Variants in RBFOX1 observed in about 807,000 individuals in gnomAD.
The protein encoded by RBFOX1 is RNA binding fox-1 homolog 1.
In RBFOX1, 8 loss-of-function variants were observed where a neutral mutation model predicts 57.7. The observed-to-expected ratio is 0.14, with a 90% CI of 0.08 to 0.25. RBFOX1 has a LOEUF of 0.25. RBFOX1 is among the 10% of genes least tolerant of loss of function. RBFOX1 has a pLI of 1.00. For missense variants in RBFOX1, 611 were observed against 548.5 expected (o/e 1.11, Z -1.14); for synonymous variants, 326 against 222.4 (o/e 1.47, Z -4.15).
chr16:5,875,956 G>T (rs373030683), intron 4 of RBFOX1, among the ~76,000 whole-genome samples: 2 of 151,402 alleles, frequency 1.3e-5, no homozygotes, highest in Admixed American at 6.6e-5. Context: ...TCATTCTCCT[G>T]CCTCAGCCTC....
Position 7,509,849 on chromosome 16 carries a change from T to C in RBFOX1, c.28-8298T>C, listed in dbSNP as rs1600421381. 1.3e-5 allele frequency among the ~76,000 whole-genome samples: 2 copies of C among 152,312 alleles called. 1 individual carries two copies. Among genetic ancestry groups the C allele is most frequent in the Middle Eastern group, 6.8e-3 (2 of 294 alleles). On this transcript the variant is annotated intron_variant, in intron 4 of 15. Coordinates refer to ENST00000550418, the MANE Select transcript of RBFOX1 (RefSeq NM_018723.4). ...GATAGTAGCAAGCTCCCTGCTGGAT[T>C]TTATAACTTTGCATACCATATATTT...
intron 1 of RBFOX1, among the ~76,000 whole-genome samples, chr16:5,267,267 T>C (rs966450010): frequency 6.6e-6 from 1 of 151,578 alleles, no homozygotes; most frequent in African/African-American, 2.4e-5. Flanking sequence ...CATATAAACA[T>C]TAATTCTGTT....
chr16:6,020,604 C>G (rs191830529), intron 1 of RBFOX1, among the ~76,000 whole-genome samples: 2 of 152,154 alleles, frequency 1.3e-5, no homozygotes, highest in African/African-American at 4.8e-5. Context: ...GAAACTCCTA[C>G]TGTGCCCCTG....
chr16:6,758,921 G>A (rs2076202602), intron 3 of RBFOX1, among the ~76,000 whole-genome samples: 3 of 152,170 alleles, frequency 2.0e-5, no homozygotes, highest in Admixed American at 6.5e-5. Flanking sequence ...GGAGTCGGGG[G>A]GGAAAGAGTT....
intron 10 of RBFOX1, among the ~76,000 whole-genome samples, chr16:7,618,076 G>GT (rs1436604011): frequency 6.6e-6 from 1 of 151,986 alleles, no homozygotes; most frequent in Non-Finnish European, 1.5e-5. Flanking sequence ...CCAAGTTGAC[G>GT]TTTTTTCCAA....
intron 3 of RBFOX1, among the ~76,000 whole-genome samples, chr16:5,625,824 C>G (rs1194186404): frequency 6.6e-6 from 1 of 152,138 alleles, no homozygotes; most frequent in Non-Finnish European, 1.5e-5. Flanking sequence ...TCCCAAAGTA[C>G]TGGGATTACA....
At chr16:7,652,076 G>A (rs1020086144) in intron 11 of RBFOX1, among the ~76,000 whole-genome samples, 28 of 151,218 alleles carry the variant, frequency 1.9e-4, no homozygotes, top group African/African-American at 5.9e-4. Context: ...AGGGGTAACC[G>A]GGGTAACCAT....
chr16:7,250,808 TCTCTGGCTACTCTGTTTC>T (rs1292693122), intron 4 of RBFOX1, among the ~76,000 whole-genome samples: 2 of 152,214 alleles, frequency 1.3e-5, no homozygotes, highest in Non-Finnish European at 2.9e-5. Flanking sequence ...AGCTGCAGTT[TCTCTGGCTACTCTGTTTC>T]CTTCTTTTAG....
intron 3 of RBFOX1, among the ~76,000 whole-genome samples, chr16:5,697,323 G>C (rs1317535013): frequency 1.3e-5 from 2 of 151,320 alleles, no homozygotes; most frequent in Non-Finnish European, 2.9e-5. Flanking sequence ...TCTCTATATA[G>C]GAAAAGTATA....
chr16:7,510,702 G>A (rs2074847743), intron 4 of RBFOX1, among the ~76,000 whole-genome samples: 2 of 152,208 alleles, frequency 1.3e-5, no homozygotes, highest in Non-Finnish European at 2.9e-5. Context: ...TTTCTTGCCA[G>A]AGAAGTGGTG....
chr16:7,008,640 CCCTTCCTTCCTCCTCCCTT>C (rs2093440581), intron 3 of RBFOX1, among the ~76,000 whole-genome samples: 1 of 96,876 alleles, frequency 1.0e-5, no homozygotes, highest in Non-Finnish European at 1.9e-5. Flanking sequence ...CTTCCTCCCT[CCCTTCCTTCCTCCTCCCTT>C]CCTCCCTCCC....
intron 2 of RBFOX1, among the ~76,000 whole-genome samples, chr16:5,498,883 G>T (rs950539307): frequency 3.9e-5 from 6 of 152,220 alleles, no homozygotes; most frequent in Non-Finnish European, 7.3e-5. Context: ...TAAGGCCTTT[G>T]GCCATCGTGG....
intron 3 of RBFOX1, among the ~76,000 whole-genome samples, chr16:6,856,200 A>G (rs537885422): frequency 6.6e-6 from 1 of 152,012 alleles, no homozygotes; most frequent in Admixed American, 6.6e-5. Context: ...ATTGAGAACC[A>G]GATACTGTGC....
chr16:7,055,718 C>T (rs1271904192), intron 4 of RBFOX1, among the ~76,000 whole-genome samples: 4 of 152,164 alleles, frequency 2.6e-5, no homozygotes, highest in African/African-American at 7.2e-5. Context: ...CAGCATCAGG[C>T]ACATTGTTAC....
chr16:6,224,035 G>A (rs1159712211), intron 1 of RBFOX1, among the ~76,000 whole-genome samples: 1 of 151,908 alleles, frequency 6.6e-6, no homozygotes, highest in African/African-American at 2.4e-5. Context: ...TATTTCTGAG[G>A]GCTCTGTTCT....
intron 3 of RBFOX1, among the ~76,000 whole-genome samples, chr16:5,650,880 A>G (rs1233283491): frequency 6.6e-6 from 1 of 151,442 alleles, no homozygotes; most frequent in Non-Finnish European, 1.5e-5. Flanking sequence ...AATGAGACAC[A>G]GGGAACACCT....
At chr16:6,975,221 A>C (rs2086556477) in intron 3 of RBFOX1, among the ~76,000 whole-genome samples, 1 of 152,028 alleles carries the variant, frequency 6.6e-6, no homozygotes, top group African/African-American at 2.4e-5. Flanking sequence ...CACAGAATTT[A>C]AGAGGCCACC....
At chr16:7,088,542 T>A (rs2060329262) in intron 4 of RBFOX1, among the ~76,000 whole-genome samples, 1 of 61,010 alleles carries the variant, frequency 1.6e-5, no homozygotes, top group African/African-American at 3.5e-5. Context: ...TTGTTTTTTG[T>A]TGTTTTTTTT....
chr16:5,651,711 C>G (rs998210305), intron 3 of RBFOX1, among the ~76,000 whole-genome samples: 3 of 152,200 alleles, frequency 2.0e-5, no homozygotes, highest in African/African-American at 7.2e-5. Context: ...ATACCCATCC[C>G]TGCCTGCTTT....
Sources: gnomAD v4.1 joint callset for allele counts (sites outside exome capture counted in the v4.1 genomes callset) on GRCh38, gnomAD v4.1.1 for gene constraint, MANE v1.5 for transcripts, NCBI Gene and HGNC (gene_info 2026-07-23, HGNC 2026-07-21) for gene names.